Variants in CHST15 observed in about 807,000 individuals in gnomAD.
CHST15 encodes B cell RAG associated protein (GALNAC4S-6ST).
In CHST15, 30 loss-of-function variants were observed where a neutral mutation model predicts 53.6. That is an observed-to-expected ratio of 0.56 (90% CI 0.42 to 0.76). CHST15 has a LOEUF of 0.76. Among genes scored for constraint, CHST15 ranks in the 30% least tolerant of loss-of-function variants. The probability of loss-of-function intolerance (pLI) is 0.00; values close to 1 mark genes in which losing one functional copy is unlikely to be tolerated. For missense variants in CHST15, 627 were observed against 740.5 expected (o/e 0.85, Z 1.78); for synonymous variants, 296 against 289.8 (o/e 1.02, Z -0.22).
intron 1 of CHST15, among the ~76,000 whole-genome samples, chr10:124,062,113 A>T (rs577186946): frequency 6.6e-6 from 1 of 152,068 alleles, no homozygotes; most frequent in Non-Finnish European, 1.5e-5. Flanking sequence ...TGCCACTGCA[A>T]TGGAAAACCC....
chr10:124,081,307 C>T (rs7476668), intron 1 of CHST15, among the ~76,000 whole-genome samples: 6,002 of 152,184 alleles, frequency 0.039, 347 homozygotes, highest in East Asian at 0.21. Context: ...CTCAGCGTTT[C>T]TTAGCTAAAG....
intron 1 of CHST15, among the ~76,000 whole-genome samples, chr10:124,081,440 G>GA (rs2134214795): frequency 6.6e-6 from 1 of 152,308 alleles, no homozygotes; most frequent in East Asian, 1.9e-4. Context: ...GAGACTTGAT[G>GA]TAACAGCTGA....
intron 6 of CHST15, among the ~76,000 whole-genome samples, chr10:124,015,777 A>G (rs1946566461): frequency 6.6e-6 from 1 of 152,252 alleles, no homozygotes; most frequent in Non-Finnish European, 1.5e-5. Context: ...ACAGAGCTCA[A>G]CTGGTAAAGA....
At position 124,019,055 on chromosome 10, in the gene CHST15, T is replaced by TGAA. The variant is rs1348506921; in HGVS notation, c.1347+2198_1347+2200dup. On this transcript the variant is annotated intron_variant, in intron 6 of 7. Coordinates refer to ENST00000435907, the MANE Select transcript of CHST15 (RefSeq NM_001270764.2). The surrounding 1 kb of genome is among the most constrained non-coding windows in gnomAD (Gnocchi z 4.6). ...CTGCTATTACTGTTTATGCCAGGACTGAAGGTCCTCCATGCGAGGCCTGCA... is the reference window on the plus strand; with the variant it reads ...CTGCTATTACTGTTTATGCCAGGACTGAAGAAGGTCCTCCATGCGAGGCCTGCA... Among the ~76,000 whole-genome samples the TGAA allele has an allele frequency of 1.3e-5, 2 of 152,170 alleles. No individual in the cohort carries two copies. Among genetic ancestry groups the TGAA allele is most frequent in the Non-Finnish European group, 2.9e-5 (2 of 68,026 alleles).
intron 5 of CHST15, among the ~76,000 whole-genome samples, chr10:124,032,823 A>T (rs1400340848): frequency 6.6e-6 from 1 of 151,860 alleles, no homozygotes; most frequent in Non-Finnish European, 1.5e-5. Context: ...AAAAAAAAAA[A>T]AAAATGGACT....
chr10:124,021,452 C>G, intron 5 of CHST15, 40 bp from the exon 6 acceptor site: 1 of 1,575,334 alleles, frequency 6.3e-7, no homozygotes, highest in African/African-American at 1.3e-5. Flanking sequence ...CACCCATGAA[C>G]ATGCAATCAC....
At chr10:124,086,287 G>T (rs554063393) in intron 1 of CHST15, among the ~76,000 whole-genome samples, 12 of 152,148 alleles carry the variant, frequency 7.9e-5, no homozygotes. Context: ...TCCAACCGTG[G>T]GCCGGGCACG....
chr10:124,038,438 A>T, intron 5 of CHST15, 77 bp downstream of exon 5: 4 of 1,526,438 alleles, frequency 2.6e-6, no homozygotes, highest in Non-Finnish European at 2.7e-6. Flanking sequence ...ACAAAATCTT[A>T]TTTGTCATGA....
At chr10:124,027,591 A>G (rs1361489220) in intron 5 of CHST15, among the ~76,000 whole-genome samples, 1 of 152,110 alleles carries the variant, frequency 6.6e-6, no homozygotes, top group Non-Finnish European at 1.5e-5. Flanking sequence ...CGGGTTTAGT[A>G]CCTGCAATGT....
chr10:124,045,606 A>G, intron 2 of CHST15, 61 bp downstream of exon 2: 1 of 1,455,268 alleles, frequency 6.9e-7, no homozygotes, highest in Non-Finnish European at 9.3e-7. Flanking sequence ...TGGTGATAGA[A>G]AGAAAAGCAC....
At chr10:124,088,644 T>A (rs1165364666) in intron 1 of CHST15, among the ~76,000 whole-genome samples, 2 of 152,150 alleles carry the variant, frequency 1.3e-5, no homozygotes, top group African/African-American at 4.8e-5. Flanking sequence ...GCTTGGTGTG[T>A]GTCATCTCCA....
intron 1 of CHST15, among the ~76,000 whole-genome samples, chr10:124,068,825 C>G (rs1564904872): frequency 6.6e-6 from 1 of 152,160 alleles, no homozygotes; most frequent in Non-Finnish European, 1.5e-5. Context: ...AAGACCTTAT[C>G]TTGTGAATAA....
chr10:124,080,685 T>C (rs1252543493), intron 1 of CHST15, among the ~76,000 whole-genome samples: 1 of 152,178 alleles, frequency 6.6e-6, no homozygotes, highest in Admixed American at 6.5e-5. Context: ...TCCCCAATGT[T>C]CTTCTTGATC....
intron 6 of CHST15, chr10:124,020,877 T>C (rs1169744410): frequency 3.9e-6 from 5 of 1,266,206 alleles, no homozygotes; most frequent in Non-Finnish European, 5.0e-6. Flanking sequence ...GGTAGTTTTT[T>C]AAACCAACAA....
At chr10:124,092,323 C>G (rs993347385) in intron 1 of CHST15, 6 of 152,526 alleles carry the variant, frequency 3.9e-5, no homozygotes, top group Non-Finnish European at 7.3e-5. Flanking sequence ...TCTGGCCTCA[C>G]CGCGCGGCTC....
rs975540241 is a variant in CHST15, at chr10:124,074,417, CG to C, written c.-513+19051del. ...GCACAATTCAGGTGGCAGGTAGGGG[CG>C]GGGGCCTAGTTGGGAGCATCGCCCA... On this transcript the variant is annotated intron_variant, in intron 1 of 7. Transcript: ENST00000435907. The surrounding 1 kb of genome is among the most constrained non-coding windows in gnomAD (Gnocchi z 4.4). Among the ~76,000 whole-genome samples, 9 of 152,108 alleles carry C rather than the reference CG, an allele frequency of 5.9e-5. No homozygotes were observed. The highest frequency in any genetic ancestry group is 2.2e-4 in the African/African-American group (9 of 41,420).
intron 5 of CHST15, among the ~76,000 whole-genome samples, chr10:124,026,857 T>C (rs1487837133): frequency 6.6e-6 from 1 of 152,134 alleles, no homozygotes; most frequent in African/African-American, 2.4e-5. Flanking sequence ...GAAGAAAGCC[T>C]GGTTGCAGGC....
intron 3 of CHST15, among the ~76,000 whole-genome samples, chr10:124,044,143 C>A (rs1590253035): frequency 6.8e-6 from 1 of 147,446 alleles, no homozygotes; most frequent in Non-Finnish European, 1.5e-5. Flanking sequence ...AGGACCGGCA[C>A]AGAGCAGGAA....
At position 124,010,175 on chromosome 10, in the gene CHST15, C is replaced by T. The variant is rs201307325; in HGVS notation, c.1660G>A (p.Glu554Lys). 2.9e-5 allele frequency: 46 copies of T among 1,613,280 alleles called. No homozygotes were observed. In the East Asian group the frequency reaches 7.6e-4, roughly 27 times the overall value. Residue 554 changes from glutamate (E) to lysine (K), a missense_variant, in exon 8 of 8, where the codon GAG becomes AAG. This residue lies in a region of CHST15 where 279 missense variants were observed against 371.6 expected (regional missense o/e 0.75). Coordinates refer to ENST00000435907, the MANE Select transcript of CHST15 (RefSeq NM_001270764.2). The part of the protein sequence containing the change: ...NARLAQVLAD[E>K]AFAWKTT ...CACGTCGTCTTCCACGCAAACGCCT[C>T]ATCCGCGAGGACCTGCGCCAGCCTA...
Sources: gnomAD v4.1 joint callset for allele counts (sites outside exome capture counted in the v4.1 genomes callset) on GRCh38, gnomAD v4.1.1 for gene constraint, gnomAD v4.1.1 regional missense constraint, Gnocchi (gnomAD v3.1) non-coding constraint, MANE v1.5 for transcripts, NCBI Gene and HGNC (gene_info 2026-07-23, HGNC 2026-07-21) for gene names.